The following NUP58 variants were observed in gnomAD, a reference collection of about 807,000 sequenced individuals.
The protein encoded by NUP58 is nucleoporin 58.
NUP58 carries 17 observed loss-of-function variants against 70.1 expected under a neutral mutation model. That is an observed-to-expected ratio of 0.24 (90% CI 0.17 to 0.36). The LOEUF (loss-of-function observed/expected upper bound fraction) is 0.36. NUP58 is among the 10% of genes least tolerant of loss of function. NUP58 has a pLI of 1.00. For missense variants in NUP58, 644 were observed against 701.5 expected, an observed-to-expected ratio of 0.92 and a Z score of 0.93; for synonymous variants, 275 against 257.6, an observed-to-expected ratio of 1.07 and a Z score of -0.65.
intron 13 of NUP58, chr13:25,334,355 GTT>G: frequency 1.0e-6 from 1 of 985,300 alleles, no homozygotes; most frequent in Non-Finnish European, 1.2e-6. Context: ...AGTTCTTGAT[GTT>G]TACATAATAA....
At position 25,321,015 on chromosome 13, in the gene NUP58, G is replaced by A. The variant is rs2031159354; in HGVS notation, c.873G>A (p.Lys291=). 1 of 1,599,898 alleles carries A rather than the reference G, an allele frequency of 6.3e-7. No homozygotes were observed. The highest frequency in any genetic ancestry group is 2.3e-5 in the East Asian group (1 of 43,944). ...TACAAGAAGATATTAAAGCTCTGAAGCAGCTCCTGTCGTTGGCTGCCAATG... is the reference window on the plus strand; with the variant it reads ...TACAAGAAGATATTAAAGCTCTGAAACAGCTCCTGTCGTTGGCTGCCAATG... ...LKVQEDIKAL[K]QLLSLAANGI... is the part of the protein sequence containing the mutation. Residue 291 remains lysine, a synonymous_variant, in exon 9 of 16, where the codon AAG becomes AAA. Coordinates refer to ENST00000381736, the MANE Select transcript of NUP58 (RefSeq NM_014089.4).
At chr13:25,314,601 A>G (rs1335952365) in intron 5 of NUP58, among the ~76,000 whole-genome samples, 1 of 152,176 alleles carries the variant, frequency 6.6e-6, no homozygotes, top group Non-Finnish European at 1.5e-5. Context: ...AGGCTGAGGC[A>G]GGACAATCAC....
At chr13:25,336,297 G>A (rs769315330) in intron 13 of NUP58, 15 of 1,304,046 alleles carry the variant, frequency 1.2e-5, no homozygotes, top group African/African-American at 3.0e-5. Flanking sequence ...TCATGTTACT[G>A]TGTAATTGAT....
chr13:25,331,463 G>C lies in NUP58; in HGVS notation c.1340G>C (p.Arg447Thr). The part of the protein sequence containing the change: ...AEAKKWQNTP[R>T]VTTGPTPFST... ...GCCAAGAAGTGGCAGAACACACCCA[G>C]AGTTACTACTGGACCCACTCCTTTC... The change falls in exon 13 of 16, where the codon AGA becomes ACA. Residue 447 changes from arginine (R) to threonine (T), a missense_variant. Physicochemically the swap from Arg to Thr is moderately conservative, Grantham distance 71 (BLOSUM62 -1). Coordinates refer to ENST00000381736, the MANE Select transcript of NUP58 (RefSeq NM_014089.4). The C allele has an allele frequency of 6.2e-7, 1 of 1,614,170 alleles. No individual in the cohort carries two copies. Among genetic ancestry groups the C allele is most frequent in the Non-Finnish European group, 8.5e-7 (1 of 1,180,034 alleles).
rs201827490 is a variant in NUP58 at position 25,339,959 on chromosome 13, C to T, written c.1631-6C>T. 208 of 1,573,522 alleles carry T rather than the reference C, an allele frequency of 1.3e-4. 1 individual carries two copies. Among genetic ancestry groups the T allele is most frequent in the South Asian group, 2.3e-4 (19 of 84,182 alleles). ...TGATATGAATATTTTTTTCCCTAAA[C>T]ATAAGGCTTTGGCAGCTCAAGTACA... is the stretch of plus-strand genomic sequence containing the variant. On this transcript the variant is annotated splice_region_variant and splice_polypyrimidine_tract_variant and intron_variant, in intron 15 of 15. Coordinates refer to ENST00000381736, the MANE Select transcript of NUP58 (RefSeq NM_014089.4).
chr13:25,303,020 CT>C (rs1373780702), intron 1 of NUP58: 1 of 456,280 alleles, frequency 2.2e-6, no homozygotes, highest in East Asian at 6.9e-5. Flanking sequence ...TATTAAGAGT[CT>C]TGCTCTCTTG....
At position 25,341,787 on chromosome 13, in the gene NUP58, T is replaced by C. The variant is rs1420849259; in HGVS notation, c.*1653T>C. The C allele has an allele frequency of 6.6e-6, 1 of 152,666 alleles. No homozygotes were observed. Among genetic ancestry groups the C allele is most frequent in the Non-Finnish European group, 1.5e-5 (1 of 68,034 alleles). The allele number at this position is 152,666 out of a possible 1,614,324, so 9.5% of individuals were successfully genotyped here. On this transcript the variant is annotated 3_prime_UTR_variant, in exon 16 of 16. Coordinates refer to ENST00000381736, the MANE Select transcript of NUP58 (RefSeq NM_014089.4). The stretch of plus-strand genomic sequence containing the variant: ...GATAGGATGTGAACATGGAATTTCA[T>C]TGAAAATAGTTTAATTTTTTATATA...
intron 1 of NUP58, chr13:25,302,840 C>T (rs1377778042): frequency 5.1e-6 from 2 of 393,258 alleles, no homozygotes; most frequent in African/African-American, 2.1e-5. Flanking sequence ...GAATTTTCAT[C>T]CATACCTCCG....
In NUP58 at chr13:25,327,427, T is replaced by C. The variant is rs765186884; in HGVS notation, c.1151-3T>C. ...TGGGTGATAATGTAATTTTCTTTTA[T>C]AGATTTGTCAATGGCTATGCAGAAA... On this transcript the variant is annotated splice_region_variant and splice_polypyrimidine_tract_variant and intron_variant, in intron 11 of 15. Transcript: ENST00000381736. The C allele has an allele frequency of 3.2e-6, 5 of 1,583,958 alleles. No homozygotes were observed. The South Asian group carries it at 4.5e-5, about 14-fold the overall frequency.
chr13:25,335,093 ATTAAAAAATG>A (rs901065220), intron 13 of NUP58: 23 of 985,226 alleles, frequency 2.3e-5, no homozygotes, highest in Non-Finnish European at 2.8e-5. Context: ...AGTTTTTACT[ATTAAAAAATG>A]TTATACATTT....
rs774818974 is a variant in NUP58, at chr13:25,336,979, C to G, written c.1479C>G (p.Gly493=). ...GAGTTAGTTTTGGAACGCCATTCGG[C>G]TCAGGTATTGGCACTGGCTTGCAAT... ...SLGVSFGTPF[G]SGIGTGLQSS... The change falls in exon 14 of 16, where the codon GGC becomes GGG. Residue 493 remains glycine (G), a synonymous_variant. Coordinates refer to ENST00000381736, the MANE Select transcript of NUP58 (RefSeq NM_014089.4). 1 of 1,607,504 alleles carries G rather than the reference C, an allele frequency of 6.2e-7. No individual in the cohort carries two copies. The highest frequency in any genetic ancestry group is 1.1e-5 in the South Asian group (1 of 90,342).
downstream of NUP58, among the ~76,000 whole-genome samples, chr13:25,345,529 T>C (rs990625185): frequency 1.3e-5 from 2 of 150,902 alleles, no homozygotes; most frequent in African/African-American, 4.9e-5. Flanking sequence ...GCTGGTTCCC[T>C]ATGAAGAGGT....
chr13:25,330,915 GCTGA>G (rs1421868334), intron 12 of NUP58, among the ~76,000 whole-genome samples: 1 of 151,912 alleles, frequency 6.6e-6, no homozygotes, highest in African/African-American at 2.4e-5. Context: ...TATATTTAGT[GCTGA>G]CTTTTTTTTC....
chr13:25,330,920 CTTTT>C (rs543634914), intron 12 of NUP58, among the ~76,000 whole-genome samples: 2 of 151,754 alleles, frequency 1.3e-5, no homozygotes, highest in East Asian at 3.9e-4. Context: ...TTAGTGCTGA[CTTTT>C]TTTTCTTTCT....
At chr13:25,304,079 T>C (rs1319394514) in intron 1 of NUP58, among the ~76,000 whole-genome samples, 1 of 152,174 alleles carries the variant, frequency 6.6e-6, no homozygotes, top group Non-Finnish European at 1.5e-5. Context: ...GAGTATAATA[T>C]ATTACCTGAG....
chr13:25,334,856 A>ATT, intron 13 of NUP58: 1 of 984,516 alleles, frequency 1.0e-6, no homozygotes, highest in Non-Finnish European at 1.2e-6. Flanking sequence ...CTACATGAAG[A>ATT]TTTCACTTTG....
chr13:25,305,481 TTTAA>T (rs2030301838), intron 1 of NUP58, among the ~76,000 whole-genome samples: 1 of 152,108 alleles, frequency 6.6e-6, no homozygotes. Flanking sequence ...AGATCTGTGT[TTTAA>T]TTGTTAGCGA....
intron 3 of NUP58, among the ~76,000 whole-genome samples, chr13:25,348,060 CACTGTCCA>C (rs2032070576): frequency 1.3e-5 from 2 of 152,196 alleles, no homozygotes; most frequent in Non-Finnish European, 2.9e-5. Flanking sequence ...GTGCAGTCTG[CACTGTCCA>C]CAGTGGTAAC....
At chr13:25,312,113 G>GA (rs2030698536) in intron 3 of NUP58, among the ~76,000 whole-genome samples, 1 of 152,088 alleles carries the variant, frequency 6.6e-6, no homozygotes, top group Non-Finnish European at 1.5e-5. Context: ...GGAACTCTAG[G>GA]AAGTGTCAGT....
Sources: allele counts gnomAD v4.1 joint callset (sites outside exome capture counted in the v4.1 genomes callset), GRCh38; gene constraint gnomAD v4.1.1; transcripts MANE v1.5; gene names NCBI Gene and HGNC (gene_info 2026-07-23, HGNC 2026-07-21).